The following STPG4 variants were observed in gnomAD, a reference collection of about 807,000 sequenced individuals.
STPG4 encodes sperm-tail PG-rich repeat containing 4, also known as protein STPG4.
A neutral mutation model predicts 31.5 loss-of-function variants in STPG4; 41 were observed. The observed-to-expected ratio is 1.30, with a 90% CI of 1.01 to 1.69. The LOEUF is 1.69. STPG4 is among the 40% of genes most tolerant of loss of function. STPG4 has a pLI of 0.00. For missense variants in STPG4, 375 were observed against 293.4 expected, an observed-to-expected ratio of 1.28 and a Z score of -2.03; for synonymous variants, 141 against 103.0, an observed-to-expected ratio of 1.37 and a Z score of -2.24.
At chr2:47,099,888 G>C (rs574484157) in intron 5 of STPG4, among the ~76,000 whole-genome samples, 1 of 152,130 alleles carries the variant, frequency 6.6e-6, no homozygotes, top group African/African-American at 2.4e-5. Context: ...CAGCAGCTGC[G>C]GAGGGTGTAC....
At chr2:47,101,005 G>T (rs1014720459) in intron 5 of STPG4, among the ~76,000 whole-genome samples, 1 of 151,884 alleles carries the variant, frequency 6.6e-6, no homozygotes, top group South Asian at 2.1e-4. Flanking sequence ...TGGGACATTT[G>T]CCTATCACCA....
chr2:47,114,033 AAAAAAC>A (rs201656595), intron 5 of STPG4, among the ~76,000 whole-genome samples: 13,161 of 150,772 alleles, frequency 0.087, 755 homozygotes, highest in Non-Finnish European at 0.12. Context: ...GTCTCAAAAA[AAAAAAC>A]AAAAACAAAA....
At chr2:47,136,302 T>G (rs7588019) in intron 3 of STPG4, among the ~76,000 whole-genome samples, 47 of 152,074 alleles carry the variant, frequency 3.1e-4, no homozygotes, top group Non-Finnish European at 6.3e-4. Flanking sequence ...CCTGCCACCA[T>G]GCCCAGCTAA....
intron 5 of STPG4, among the ~76,000 whole-genome samples, chr2:47,126,990 T>A (rs2103775616): frequency 6.6e-6 from 1 of 152,186 alleles, no homozygotes; most frequent in Admixed American, 6.5e-5. Context: ...CTTGAGGTGG[T>A]CTTATTTGGG....
chr2:47,093,536 C>T (rs749005288), intron 5 of STPG4, among the ~76,000 whole-genome samples: 1 of 152,162 alleles, frequency 6.6e-6, no homozygotes, highest in Non-Finnish European at 1.5e-5. Context: ...TGATTCCACA[C>T]CTATGATGGC....
At position 47,119,797 on chromosome 2, in the gene STPG4, A is replaced by G. The variant is rs530272589; in HGVS notation, c.519+10144T>C. Among the ~76,000 whole-genome samples the G allele has an allele frequency of 5.3e-5, 8 of 152,370 alleles. No individual in the cohort carries two copies. The East Asian group carries it at 1.5e-3, about 29-fold the overall frequency. On this transcript the variant is annotated intron_variant, in intron 5 of 6. Transcript: ENST00000445927. ...TGCAGGGCACCAAGCAAGGAGGGCCAGACAGCTAATGTTTAAGTCCTGACC... is the reference window on the plus strand; with the variant it reads ...TGCAGGGCACCAAGCAAGGAGGGCCGGACAGCTAATGTTTAAGTCCTGACC...
At chr2:47,098,467 C>T (rs1685722485) in intron 5 of STPG4, among the ~76,000 whole-genome samples, 2 of 152,144 alleles carry the variant, frequency 1.3e-5, no homozygotes, top group Admixed American at 1.3e-4. Flanking sequence ...GGCCTTGCTT[C>T]TCAGGGCTGG....
At chr2:47,124,916 A>G (rs1343924068) in intron 5 of STPG4, among the ~76,000 whole-genome samples, 1 of 152,114 alleles carries the variant, frequency 6.6e-6, no homozygotes, top group East Asian at 1.9e-4. Flanking sequence ...TTTTCTCCAC[A>G]TCCTCGCCAG....
chr2:47,124,347 G>C (rs915543170), intron 5 of STPG4, among the ~76,000 whole-genome samples: 1 of 151,840 alleles, frequency 6.6e-6, no homozygotes, highest in Non-Finnish European at 1.5e-5. Flanking sequence ...TCAAATACTA[G>C]ATCTTATCAT....
chr2:47,096,071 T>A (rs1240810404), intron 5 of STPG4, among the ~76,000 whole-genome samples: 2 of 152,210 alleles, frequency 1.3e-5, no homozygotes, highest in Non-Finnish European at 2.9e-5. Flanking sequence ...ATTCCTATCT[T>A]GCTTATAACA....
chr2:47,099,077 G>T (rs1439499297), intron 5 of STPG4, among the ~76,000 whole-genome samples: 2 of 152,204 alleles, frequency 1.3e-5, no homozygotes, highest in Non-Finnish European at 2.9e-5. Flanking sequence ...ATGACGGTCT[G>T]GGTTTCTAGT....
intron 3 of STPG4, 89 bp from the exon 4 acceptor site, chr2:47,130,349 C>A: frequency 9.6e-7 from 1 of 1,042,520 alleles, no homozygotes; most frequent in Non-Finnish European, 1.5e-6. Context: ...TATTTTATGA[C>A]CATACAACAT....
intron 3 of STPG4, among the ~76,000 whole-genome samples, chr2:47,145,291 T>G (rs1333052470): frequency 5.3e-5 from 8 of 152,208 alleles, no homozygotes; most frequent in Non-Finnish European, 1.0e-4. Context: ...CACTGGAATT[T>G]GAGACCCTAG....
At chr2:47,119,190 T>G (rs10210315) in intron 5 of STPG4, among the ~76,000 whole-genome samples, 125,113 of 152,160 alleles carry the variant, frequency 0.82, 52,441 homozygotes, top group South Asian at 0.95. Context: ...TCCATAAGTC[T>G]GCTCTGGGAA....
At chr2:47,133,824 G>A (rs891222264) in intron 3 of STPG4, among the ~76,000 whole-genome samples, 2 of 151,838 alleles carry the variant, frequency 1.3e-5, no homozygotes, top group African/African-American at 4.8e-5. Flanking sequence ...TGATCCACCC[G>A]CTTTGGCCTC....
intron 5 of STPG4, among the ~76,000 whole-genome samples, chr2:47,097,499 C>T (rs899959949): frequency 1.3e-4 from 20 of 152,136 alleles, no homozygotes; most frequent in South Asian, 4.2e-4. Context: ...GGGACTCCTG[C>T]GCTTATAAAA....
At chr2:47,136,723 G>A (rs72808598) in intron 3 of STPG4, among the ~76,000 whole-genome samples, 13,850 of 152,150 alleles carry the variant, frequency 0.091, 830 homozygotes, top group Non-Finnish European at 0.12. Flanking sequence ...TTGGTCAATG[G>A]AAGAGAGAGA....
chr2:47,138,852 AT>A (rs1463197028), intron 3 of STPG4, among the ~76,000 whole-genome samples: 1 of 151,060 alleles, frequency 6.6e-6, no homozygotes, highest in African/African-American at 2.4e-5. Context: ...CTGGCCAATT[AT>A]TTTGTATTTT....
chr2:47,139,407 A>ATTTTTTTTTTTTTTTTTTT, intron 3 of STPG4, among the ~76,000 whole-genome samples: 1 of 147,310 alleles, frequency 6.8e-6, no homozygotes, highest in African/African-American at 2.5e-5. Flanking sequence ...CTCCTGCTTT[A>ATTTTTTTTTTTTTTTTTTT]TTTTTTTTTT....
Sources: gnomAD v4.1 joint callset for allele counts (sites outside exome capture counted in the v4.1 genomes callset) on GRCh38, gnomAD v4.1.1 for gene constraint, MANE v1.5 for transcripts, NCBI Gene and HGNC (gene_info 2026-07-23, HGNC 2026-07-21) for gene names.